GPC1: variants seen among roughly 807,000 people sequenced by gnomAD.
The protein encoded by GPC1 is glypican 1, also known as glypican-1.
GPC1 carries 26 observed loss-of-function variants against 51.5 expected under a neutral mutation model. The ratio of observed to expected loss-of-function variants is 0.50; its 90% CI spans 0.37 to 0.70. The LOEUF (loss-of-function observed/expected upper bound fraction) is 0.70. Ranked by LOEUF, GPC1 falls within the 30% of genes least tolerant of loss-of-function variation. The pLI, the probability that GPC1 is intolerant of heterozygous loss-of-function variation, is 0.00. For missense variants in GPC1, 775 were observed against 800.5 expected, an observed-to-expected ratio of 0.97 and a Z score of 0.38; for synonymous variants, 380 against 348.3, an observed-to-expected ratio of 1.09 and a Z score of -1.01.
intron 1 of GPC1, chr2:240,452,929 G>T (rs1029989020): frequency 6.5e-6 from 2 of 308,600 alleles, no homozygotes; most frequent in Admixed American, 4.1e-5. Flanking sequence ...GAGCCCTTCC[G>T]CCCGGCCCCG....
At chr2:240,449,572 T>G (rs2151788941) in intron 1 of GPC1, 1 of 229,132 alleles carries the variant, frequency 4.4e-6, no homozygotes, top group Non-Finnish European at 8.8e-6. Flanking sequence ...ATTTGCCAGT[T>G]TAACCATTTT....
At position 240,435,803 on chromosome 2, in the gene GPC1, G is replaced by T. The variant is rs993875658; in HGVS notation, c.-116G>T. The T allele has an allele frequency of 6.3e-5, 42 of 664,882 alleles. No individual in the cohort carries two copies. The highest frequency in any genetic ancestry group is 8.3e-5 in the Non-Finnish European group (40 of 482,904). The allele number at this position is 664,882 out of a possible 1,614,324, so 41.2% of individuals were successfully genotyped here. ...CCTCGGCCGCCGCCGCCTCTGGACC[G>T]CGAGCCGCGCGCGCCGGGACCTTGG... On this transcript the variant is annotated 5_prime_UTR_variant, in exon 1 of 9. Transcript: ENST00000264039.
intron 1 of GPC1, chr2:240,452,934 G>A (rs2074114570): frequency 6.3e-6 from 2 of 316,232 alleles, no homozygotes; most frequent in Non-Finnish European, 1.3e-5. Context: ...CTTCCGCCCG[G>A]CCCCGCTCCG....
chr2:240,453,946 C>A (rs1489527058), intron 1 of GPC1, among the ~76,000 whole-genome samples: 1 of 152,156 alleles, frequency 6.6e-6, no homozygotes, highest in Non-Finnish European at 1.5e-5. Flanking sequence ...CGGACCCTCC[C>A]ACCCGGGGCA....
At chr2:240,465,251 C>G in intron 7 of GPC1, 41 bp downstream of exon 7, 1 of 1,567,654 alleles carries the variant, frequency 6.4e-7, no homozygotes, top group Non-Finnish European at 8.6e-7. Context: ...CCTCCCATGC[C>G]GCCTCCATTG....
At chr2:240,463,818 G>A (rs1174907812) in intron 4 of GPC1, 2 of 422,678 alleles carry the variant, frequency 4.7e-6, no homozygotes, top group Non-Finnish European at 8.6e-6. Context: ...GACTCATCGA[G>A]GACCGGCACT....
intron 1 of GPC1, chr2:240,457,866 G>C: frequency 2.9e-6 from 1 of 350,718 alleles, no homozygotes; most frequent in Non-Finnish European, 5.8e-6. Flanking sequence ...AGGCCCCTGA[G>C]GCGGCAGTCC....
At chr2:240,458,161 C>T (rs935812115) in intron 1 of GPC1, 2 of 449,368 alleles carry the variant, frequency 4.5e-6, no homozygotes, top group South Asian at 1.6e-5. Context: ...ATTGCGGCAG[C>T]CTTCATCACA....
intron 1 of GPC1, chr2:240,450,231 C>T (rs531042088): frequency 2.5e-5 from 8 of 317,566 alleles, no homozygotes; most frequent in East Asian, 1.7e-4. Flanking sequence ...GGTGCCTGGG[C>T]GGCCACCAAC....
intron 1 of GPC1, chr2:240,458,745 G>A: frequency 2.5e-6 from 1 of 403,624 alleles, no homozygotes; most frequent in African/African-American, 2.0e-5. Flanking sequence ...TGCAGCTGCT[G>A]GGACAGCAGG....
chr2:240,450,288 T>A (rs2074085594), intron 1 of GPC1: 3 of 331,420 alleles, frequency 9.1e-6, no homozygotes, highest in Non-Finnish European at 1.8e-5. Context: ...CCCAGACCTC[T>A]CTGGGCTCAG....
At position 240,466,439 on chromosome 2, in the gene GPC1, G is replaced by A. The variant is rs2074262581; in HGVS notation, c.*149G>A. On this transcript the variant is annotated 3_prime_UTR_variant, in exon 9 of 9. Coordinates refer to ENST00000264039, the MANE Select transcript of GPC1 (RefSeq NM_002081.3). Reference sequence around the variant, plus strand: ...AGCAGGGGCAGGCGCAGAGGTCCCAGCCCCAGGCCTGGCCTCGCCTGCCTT... The same window carrying A: ...AGCAGGGGCAGGCGCAGAGGTCCCAACCCCAGGCCTGGCCTCGCCTGCCTT... 3 of 593,734 alleles carry A rather than the reference G, an allele frequency of 5.1e-6. No individual in the cohort carries two copies. Among genetic ancestry groups the A allele is most frequent in the African/African-American group, 3.7e-5 (2 of 53,684 alleles). 36.8% of individuals were successfully genotyped at this position (593,734 alleles called of 1,614,324 possible).
In GPC1 at chr2:240,462,267, C is replaced by T. The variant is rs1161398838; in HGVS notation, c.402C>T (p.Tyr134=). ...TCCCCGGCGCCTTCGGAGAGCTGTACACGCAGAACGCGAGGGCCTTCCGGG... is the reference window on the plus strand; with the variant it reads ...TCCCCGGCGCCTTCGGAGAGCTGTATACGCAGAACGCGAGGGCCTTCCGGG... ...ATFPGAFGEL[Y]TQNARAFRDL... The change falls in exon 3 of 9, where the codon TAC becomes TAT. Residue 134 remains tyrosine, a synonymous_variant. Coordinates refer to ENST00000264039, the MANE Select transcript of GPC1 (RefSeq NM_002081.3). 1.9e-6 allele frequency: 3 copies of T among 1,610,764 alleles called. No homozygotes were observed. In the East Asian group the frequency reaches 6.7e-5, roughly 36 times the overall value.
At chr2:240,457,287 C>T (rs2074174872) in intron 1 of GPC1, 2 of 406,520 alleles carry the variant, frequency 4.9e-6, no homozygotes, top group Non-Finnish European at 1.1e-5. Context: ...GCCCCTCTGA[C>T]AACCTGTCTC....
At position 240,465,119 on chromosome 2, in the gene GPC1, T is replaced by C. The variant is rs1209774805; in HGVS notation, c.1177T>C (p.Trp393Arg). 2 of 1,611,732 alleles carry C rather than the reference T, an allele frequency of 1.2e-6. No individual in the cohort carries two copies. The highest frequency in any genetic ancestry group is 2.2e-5 in the South Asian group (2 of 90,734). ...KAQLRDVQDF[W>R]ISLPGTLCSE... ...CCAGCTCCGCGACGTCCAGGACTTC[T>C]GGATCAGCCTCCCAGGGACACTGTG... Residue 393 changes from tryptophan to arginine, a missense_variant, in exon 7 of 9, where the codon TGG becomes CGG. Coordinates refer to ENST00000264039, the MANE Select transcript of GPC1 (RefSeq NM_002081.3).
At chr2:240,465,937 C>T (rs2074257584) in intron 8 of GPC1, 121 bp from the exon 9 acceptor site, 1 of 653,100 alleles carries the variant, frequency 1.5e-6, no homozygotes. Flanking sequence ...TCAGGTGCTG[C>T]TGGTCCTGGG....
intron 1 of GPC1, among the ~76,000 whole-genome samples, chr2:240,453,552 C>T (rs1180634145): frequency 7.1e-6 from 1 of 140,002 alleles, no homozygotes; most frequent in Non-Finnish European, 1.6e-5. Context: ...CCCTCCCCCA[C>T]CCCCGTGCCT....
At chr2:240,454,201 C>T (rs919968926) in intron 1 of GPC1, among the ~76,000 whole-genome samples, 15 of 152,166 alleles carry the variant, frequency 9.9e-5, no homozygotes, top group Non-Finnish European at 1.8e-4. Flanking sequence ...CCAAGGCTGC[C>T]TCTGGCTCAG....
rs913378495 is a variant in GPC1 at position 240,440,774 on chromosome 2, G to T, written c.166+4690G>T. On this transcript the variant is annotated intron_variant, in intron 1 of 8. Transcript: ENST00000264039. Reference sequence around the variant, plus strand: ...TCCTGGCCTCCCTGCCTCCGGTCCTGCCCAGCTCCTCCTGGCCTCCCTGCC... The same window carrying T: ...TCCTGGCCTCCCTGCCTCCGGTCCTTCCCAGCTCCTCCTGGCCTCCCTGCC... Among the ~76,000 whole-genome samples, 275 of 144,478 alleles carry T rather than the reference G, an allele frequency of 1.9e-3. 8 individuals are homozygous for T. Among genetic ancestry groups the T allele is most frequent in the African/African-American group, 6.9e-3 (258 of 37,382 alleles). 94.8% of individuals were successfully genotyped at this position (144,478 alleles called of 152,430 possible). A position where few individuals can be genotyped will look rare whatever the true frequency, so the allele number is the denominator to read the frequency against.
Sources: allele counts gnomAD v4.1 joint callset (sites outside exome capture counted in the v4.1 genomes callset), GRCh38; gene constraint gnomAD v4.1.1; transcripts MANE v1.5; gene names NCBI Gene and HGNC (gene_info 2026-07-23, HGNC 2026-07-21).